NOS1AP: variants seen among roughly 807,000 people sequenced by gnomAD.
The protein encoded by NOS1AP is carboxyl-terminal PDZ ligand of neuronal nitric oxide synthase protein.
Under a neutral mutation model 56.2 loss-of-function variants are expected in NOS1AP, and 21 were observed. That is an observed-to-expected ratio of 0.37 (90% CI 0.26 to 0.54). The LOEUF is 0.54. Among genes scored for constraint, NOS1AP ranks in the 20% least tolerant of loss-of-function variants. The pLI is 0.84. For missense variants in NOS1AP, 522 were observed against 657.8 expected (o/e 0.79, Z 2.26); for synonymous variants, 270 against 274.6 (o/e 0.98, Z 0.17).
Position 162,170,940 on chromosome 1 carries a change from C to CAAA in NOS1AP, c.177+16475_177+16477dup, listed in dbSNP as rs71650179. On this transcript the variant is annotated intron_variant, in intron 2 of 9. Transcript: ENST00000361897. ...GGCAACAAAGAGTGAAACTCCATCTCAAAAAAAAAAAAAGAAAAGAAACCA... is the reference window on the plus strand; with the variant it reads ...GGCAACAAAGAGTGAAACTCCATCTCAAAAAAAAAAAAAAAAGAAAAGAAACCA... Among the ~76,000 whole-genome samples the CAAA allele has an allele frequency of 2.3e-3, 299 of 128,326 alleles. 2 individuals carry two copies. Among genetic ancestry groups the CAAA allele is most frequent in the African/African-American group, 8.2e-3 (285 of 34,922 alleles). The allele number at this position is 128,326 out of a possible 152,430, so 84.2% of individuals were successfully genotyped here. A position where few individuals can be genotyped will look rare whatever the true frequency, so the allele number is the denominator to read the frequency against.
At chr1:162,356,142 CA>C (rs1250041879) in intron 7 of NOS1AP, among the ~76,000 whole-genome samples, 1 of 152,136 alleles carries the variant, frequency 6.6e-6, no homozygotes, top group Middle Eastern at 3.2e-3. Flanking sequence ...CCTTTGGAAC[CA>C]GTTTATCCTC....
intron 2 of NOS1AP, among the ~76,000 whole-genome samples, chr1:162,180,819 A>G (rs2102145057): frequency 1.3e-5 from 2 of 152,298 alleles, no homozygotes; most frequent in South Asian, 4.1e-4. Flanking sequence ...TCAGCAGAGG[A>G]CCCATGTAAG....
At chr1:162,145,426 G>A (rs74658538) in intron 1 of NOS1AP, among the ~76,000 whole-genome samples, 32 of 152,208 alleles carry the variant, frequency 2.1e-4, no homozygotes, top group African/African-American at 7.0e-4. Flanking sequence ...ATACCCTGAC[G>A]CAACTTTTCT....
At chr1:162,089,275 C>T (rs1417664530) in intron 1 of NOS1AP, among the ~76,000 whole-genome samples, 1 of 152,194 alleles carries the variant, frequency 6.6e-6, no homozygotes, top group Non-Finnish European at 1.5e-5. Context: ...CTTTTGTCCA[C>T]ACTGAGAATT....
intron 2 of NOS1AP, among the ~76,000 whole-genome samples, chr1:162,156,721 C>A (rs1044099656): frequency 6.6e-6 from 1 of 152,026 alleles, no homozygotes; most frequent in Non-Finnish European, 1.5e-5. Context: ...TACTTATGTG[C>A]CAGGTGCTTT....
At chr1:162,221,408 GA>G (rs940411675) in intron 2 of NOS1AP, among the ~76,000 whole-genome samples, 6 of 151,966 alleles carry the variant, frequency 3.9e-5, no homozygotes, top group Non-Finnish European at 7.4e-5. Flanking sequence ...TTTGCTAGAA[GA>G]AAAAAATCCA....
Position 162,098,252 on chromosome 1 carries a change from G to A in NOS1AP, c.105+27970G>A, listed in dbSNP as rs11580365. On this transcript the variant is annotated intron_variant, in intron 1 of 9. Coordinates refer to ENST00000361897, the MANE Select transcript of NOS1AP (RefSeq NM_014697.3). ...CTTCTGAGTAGCTGGGACCACAGGC[G>A]TGCACCACCATGCCCGGCTATTGTT... 2.7e-5 allele frequency among the ~76,000 whole-genome samples: 4 copies of A among 146,462 alleles called. No homozygotes were observed. In the East Asian group the frequency reaches 8.4e-4, roughly 31 times the overall value.
At chr1:162,335,008 G>A (rs190542902) in intron 5 of NOS1AP, among the ~76,000 whole-genome samples, 3 of 143,652 alleles carry the variant, frequency 2.1e-5, no homozygotes, top group Non-Finnish European at 4.7e-5. Flanking sequence ...CGCAGTGGGG[G>A]CATCCACTTC....
chr1:162,092,778 G>A (rs7551959), intron 1 of NOS1AP, among the ~76,000 whole-genome samples: 77,069 of 152,006 alleles, frequency 0.51, 21,698 homozygotes, highest in Non-Finnish European at 0.64. Flanking sequence ...AAGATGCAGT[G>A]TGGGGAGGCT....
At chr1:162,153,072 G>A (rs1230214384) in intron 1 of NOS1AP, among the ~76,000 whole-genome samples, 3 of 152,102 alleles carry the variant, frequency 2.0e-5, no homozygotes, top group African/African-American at 7.2e-5. Context: ...ATCAGTGTTG[G>A]GTGGTCCTAT....
intron 1 of NOS1AP, among the ~76,000 whole-genome samples, chr1:162,081,770 A>G (rs1476692329): frequency 6.3e-5 from 1 of 15,782 alleles, no homozygotes; most frequent in South Asian, 1.8e-3. Context: ...ATATATATAT[A>G]TATATTTTTT....
At position 162,276,129 on chromosome 1, in the gene NOS1AP, A is replaced by C. The variant is rs553478020; in HGVS notation, c.178-11215A>C. ...TACCACTTTATCTTTTACAGAAAAA[A>C]ATTTACTGACCCTCGGAGTCAAGGC... On this transcript the variant is annotated intron_variant, in intron 2 of 9. Transcript: ENST00000361897. 6.6e-5 allele frequency among the ~76,000 whole-genome samples: 10 copies of C among 152,280 alleles called. No homozygotes were observed. The East Asian group carries it at 1.9e-3, about 29-fold the overall frequency.
chr1:162,255,508 T>G (rs1393074636), intron 2 of NOS1AP, among the ~76,000 whole-genome samples: 2 of 130,318 alleles, frequency 1.5e-5, no homozygotes, highest in Non-Finnish European at 3.2e-5. Flanking sequence ...TTTTTTTTTT[T>G]TTTTTTTTTT....
chr1:162,194,924 G>A (rs150638566), intron 2 of NOS1AP, among the ~76,000 whole-genome samples: 1 of 152,248 alleles, frequency 6.6e-6, no homozygotes, highest in African/African-American at 2.4e-5. Context: ...GGAGGACCTG[G>A]CCAGCAGTAT....
At chr1:162,091,144 C>T (rs908788506) in intron 1 of NOS1AP, among the ~76,000 whole-genome samples, 1 of 152,108 alleles carries the variant, frequency 6.6e-6, no homozygotes, top group Non-Finnish European at 1.5e-5. Context: ...TTCTTTGTCT[C>T]TGTTGCCTGT....
intron 1 of NOS1AP, among the ~76,000 whole-genome samples, chr1:162,070,670 G>A (rs1265039221): frequency 6.6e-5 from 10 of 152,142 alleles, no homozygotes; most frequent in Admixed American, 6.5e-5. Flanking sequence ...TACCTGCTGG[G>A]CTCCCAGGGA....
At chr1:162,106,670 T>C (rs918947915) in intron 1 of NOS1AP, among the ~76,000 whole-genome samples, 5 of 152,352 alleles carry the variant, frequency 3.3e-5, no homozygotes, top group African/African-American at 1.2e-4. Context: ...TGTAGAGTAA[T>C]GTAGATTACA....
intron 4 of NOS1AP, among the ~76,000 whole-genome samples, chr1:162,323,945 G>T (rs564140698): frequency 6.6e-6 from 1 of 152,286 alleles, no homozygotes; most frequent in Non-Finnish European, 1.5e-5. Context: ...GGAAGATTTT[G>T]CCTAATGCCT....
chr1:162,360,110 A>G (rs1202750305), intron 8 of NOS1AP, among the ~76,000 whole-genome samples: 2 of 142,552 alleles, frequency 1.4e-5, no homozygotes, highest in East Asian at 4.2e-4. Context: ...GATTTGGTCT[A>G]AGACCGCAAG....
Sources: allele counts gnomAD v4.1 joint callset (sites outside exome capture counted in the v4.1 genomes callset), GRCh38; gene constraint gnomAD v4.1.1; transcripts MANE v1.5; gene names NCBI Gene and HGNC (gene_info 2026-07-23, HGNC 2026-07-21).